Variants in MTHFSD observed in about 807,000 individuals in gnomAD.
The protein encoded by MTHFSD is methenyltetrahydrofolate synthetase domain containing, also known as methenyltetrahydrofolate synthase domain-containing protein.
MTHFSD carries 37 observed loss-of-function variants against 31.1 expected under a neutral mutation model. The ratio of observed to expected loss-of-function variants is 1.19; its 90% CI spans 0.91 to 1.56. MTHFSD has a LOEUF of 1.56. Ranked by LOEUF, MTHFSD falls within the 40% of genes most tolerant of loss-of-function variation. MTHFSD has a pLI of 0.00. For synonymous variants in MTHFSD, 221 were observed against 206.9 expected (o/e 1.07, Z -0.59); for missense variants, 664 against 510.1 (o/e 1.30, Z -2.91).
rs187973880 is a variant in MTHFSD at position 86,532,226 on chromosome 16, G to A, written c.937C>T (p.Leu313Phe). 3 of 1,572,034 alleles carry A rather than the reference G, an allele frequency of 1.9e-6. No homozygotes were observed. Among genetic ancestry groups the A allele is most frequent in the Middle Eastern group, 1.7e-4 (1 of 5,878 alleles). Residue 313 changes from leucine to phenylalanine, a missense_variant, in exon 8 of 8, where the codon CTC (leucine) becomes TTC (phenylalanine). Coordinates refer to ENST00000360900, the MANE Select transcript of MTHFSD (RefSeq NM_001159377.2). ...PLAADVYVGNLPGDARVSDLK... is the reference protein window; with the variant it reads ...PLAADVYVGNFPGDARVSDLK... ...TCACTCACACGGGCGTCCCCGGGGA[G>A]GTTCCCAACGTAAACATCGGCTGCA...
intron 5 of MTHFSD, 53 bp downstream of exon 5, chr16:86,546,506 G>A: frequency 6.6e-7 from 1 of 1,509,634 alleles, no homozygotes; most frequent in Non-Finnish European, 9.2e-7. Context: ...CTGGCACGCA[G>A]CCGCCTTCAG....
intron 7 of MTHFSD, among the ~76,000 whole-genome samples, chr16:86,539,680 T>A (rs9938731): frequency 0.013 from 1,987 of 152,292 alleles, 63 homozygotes; most frequent in African/African-American, 0.046. Context: ...GGAGATGCGC[T>A]GTTTACAGTA....
rs369606429 is a variant in MTHFSD, at chr16:86,542,090, A to G, written c.555+11T>C. On this transcript the variant is annotated intron_variant, in intron 6 of 7. Coordinates refer to ENST00000360900, the MANE Select transcript of MTHFSD (RefSeq NM_001159377.2). This position sits in a 1 kb window ranked among gnomAD's most constrained non-coding sequence, Gnocchi z 4.6. ...GGCAGTGGCTCTGCTCAGCCCATTC[A>G]TAAGGAGCACCTGGCAGTCGTGGAC... 6.2e-7 allele frequency: 1 copy of G among 1,611,290 alleles called. No individual in the cohort carries two copies. The highest frequency in any genetic ancestry group is 8.5e-7 in the Non-Finnish European group (1 of 1,178,302).
rs1347710169 is a variant in MTHFSD, at chr16:86,530,635, A to C, written c.*1376T>G. ...GGTAAACAAAAAAAAAAAAATAAGA[A>C]TCTTTCAGAAAAAGAAGTATTTTTT... On this transcript the variant is annotated 3_prime_UTR_variant, in exon 8 of 8. Coordinates refer to ENST00000360900, the MANE Select transcript of MTHFSD (RefSeq NM_001159377.2). 1 of 152,190 alleles carries C rather than the reference A, an allele frequency of 6.6e-6. No homozygotes were observed. The highest frequency in any genetic ancestry group is 1.5e-5 in the Non-Finnish European group (1 of 68,036). 9.4% of individuals were successfully genotyped at this position (152,190 alleles called of 1,614,324 possible). A position where few individuals can be genotyped will look rare whatever the true frequency, so the allele number is the denominator to read the frequency against.
At chr16:86,540,902 A>G (rs923143693) in intron 7 of MTHFSD, 1 of 1,124,424 alleles carries the variant, frequency 8.9e-7, no homozygotes, top group East Asian at 6.4e-5. Context: ...ACCTGCAGGG[A>G]AAGTCCCGGC....
At chr16:86,540,313 C>A (rs990378494) in intron 7 of MTHFSD, among the ~76,000 whole-genome samples, 9 of 152,312 alleles carry the variant, frequency 5.9e-5, no homozygotes, top group Middle Eastern at 6.8e-3. Context: ...GCGAAGCCCC[C>A]GATGCCCTCC....
At chr16:86,546,524 T>G in intron 5 of MTHFSD, 35 bp downstream of exon 5, 1 of 1,581,716 alleles carries the variant, frequency 6.3e-7, no homozygotes, top group Non-Finnish European at 8.7e-7. Context: ...CAGGCAGAGC[T>G]GTCACACTCA....
chr16:86,548,690 T>G (rs1206266058), intron 3 of MTHFSD, 113 bp from the exon 4 acceptor site: 8 of 772,066 alleles, frequency 1.0e-5, no homozygotes, highest in Admixed American at 3.3e-5. Context: ...ATCCGCATGG[T>G]TTTTTTTGGT....
chr16:86,532,571 G>A (rs1396981771), intron 7 of MTHFSD, 90 bp from the exon 8 acceptor site: 9 of 1,078,600 alleles, frequency 8.3e-6, no homozygotes, highest in African/African-American at 8.1e-5. Flanking sequence ...TACTGGCTGT[G>A]CTGCACACGT....
rs116289804 is a variant in MTHFSD, at chr16:86,543,841, C to A, written c.443-1628G>T. On this transcript the variant is annotated intron_variant, in intron 5 of 7. Transcript: ENST00000360900. ...AGCTTCATCTGTATTTACAGCCGCTCCCCATCACTCTCATTACTGTCTGAG... is the reference window on the plus strand; with the variant it reads ...AGCTTCATCTGTATTTACAGCCGCTACCCATCACTCTCATTACTGTCTGAG... 9.7e-3 allele frequency among the ~76,000 whole-genome samples: 1,481 copies of A among 152,330 alleles called. 23 individuals carry two copies. Among genetic ancestry groups the A allele is most frequent in the African/African-American group, 0.034 (1,407 of 41,572 alleles).
At chr16:86,551,658 G>A (rs1284056188) in intron 3 of MTHFSD, among the ~76,000 whole-genome samples, 4 of 152,204 alleles carry the variant, frequency 2.6e-5, no homozygotes, top group Non-Finnish European at 4.4e-5. Context: ...TGTTCAGCAA[G>A]CTTGTTAGCA....
Position 86,542,047 on chromosome 16 carries a change from G to T in MTHFSD, c.555+54C>A. 1 of 1,524,108 alleles carries T rather than the reference G, an allele frequency of 6.6e-7. No individual in the cohort carries two copies. Among genetic ancestry groups the T allele is most frequent in the Non-Finnish European group, 9.1e-7 (1 of 1,104,836 alleles). 94.4% of individuals were successfully genotyped at this position (1,524,108 alleles called of 1,614,324 possible). A position where few individuals can be genotyped will look rare whatever the true frequency, so the allele number is the denominator to read the frequency against. On this transcript the variant is annotated intron_variant, in intron 6 of 7. Coordinates refer to ENST00000360900, the MANE Select transcript of MTHFSD (RefSeq NM_001159377.2). The surrounding 1 kb of genome is among the most constrained non-coding windows in gnomAD (Gnocchi z 4.6). ...AGATGAGTCTCCTTCCCCACCCCCT[G>T]CTCCCTCAGAAGAGAATGGCAGTGG...
At chr16:86,550,629 C>G (rs1973003229) in intron 3 of MTHFSD, among the ~76,000 whole-genome samples, 1 of 152,232 alleles carries the variant, frequency 6.6e-6, no homozygotes, top group South Asian at 2.1e-4. Context: ...AGTAGAGAAC[C>G]AAACCACATA....
chr16:86,530,817 G>T lies in MTHFSD; in HGVS notation c.*1194C>A, dbSNP rs956456718. ...AGGCCAAGGACACAGAGGGCCGAGG[G>T]CCCAGGGCCAGGTGTGGCGCTTCCA... On this transcript the variant is annotated 3_prime_UTR_variant, in exon 8 of 8. Transcript: ENST00000360900. 4 of 152,200 alleles carry T rather than the reference G, an allele frequency of 2.6e-5. No individual in the cohort carries two copies. Among genetic ancestry groups the T allele is most frequent in the African/African-American group, 9.7e-5 (4 of 41,444 alleles). The allele number at this position is 152,200 out of a possible 1,614,324, so 9.4% of individuals were successfully genotyped here.
chr16:86,545,624 T>G lies in MTHFSD; in HGVS notation c.442+935A>C, dbSNP rs1325507588. ...CAGGAGCCAGCCCTGAGGCCGCTAC[T>G]GAGGAGATGCCCCCTCCAGGCTGGC... On this transcript the variant is annotated intron_variant, in intron 5 of 7. Coordinates refer to ENST00000360900, the MANE Select transcript of MTHFSD (RefSeq NM_001159377.2). Among the ~76,000 whole-genome samples, 3 of 152,142 alleles carry G rather than the reference T, an allele frequency of 2.0e-5. No individual in the cohort carries two copies. The East Asian group carries it at 5.8e-4, about 29-fold the overall frequency.
intron 7 of MTHFSD, among the ~76,000 whole-genome samples, chr16:86,540,058 A>T (rs984767998): frequency 6.6e-6 from 1 of 152,036 alleles, no homozygotes; most frequent in African/African-American, 2.4e-5. Flanking sequence ...AATGGAATTT[A>T]GAGATTTTTT....
At chr16:86,552,575 A>C (rs1484387744) in intron 2 of MTHFSD, among the ~76,000 whole-genome samples, 1 of 152,166 alleles carries the variant, frequency 6.6e-6, no homozygotes, top group Non-Finnish European at 1.5e-5. Flanking sequence ...CCACCACCAA[A>C]ATCAAGCAGT....
intron 1 of MTHFSD, 132 bp downstream of exon 1, chr16:86,555,037 C>G (rs1334721386): frequency 2.0e-6 from 3 of 1,464,288 alleles, no homozygotes; most frequent in Non-Finnish European, 2.7e-6. Flanking sequence ...CAGACCCCCT[C>G]TGACCTCCTC....
Position 86,542,260 on chromosome 16 carries a change from G to T in MTHFSD, c.443-47C>A. The T allele has an allele frequency of 6.7e-7, 1 of 1,485,984 alleles. No homozygotes were observed. The allele number at this position is 1,485,984 out of a possible 1,614,324, so 92.0% of individuals were successfully genotyped here. On this transcript the variant is annotated intron_variant, in intron 5 of 7. Coordinates refer to ENST00000360900, the MANE Select transcript of MTHFSD (RefSeq NM_001159377.2). The surrounding 1 kb of genome is among the most constrained non-coding windows in gnomAD (Gnocchi z 4.6). Reference sequence around the variant, plus strand: ...GTATCGCTGTGCGGTCCGGGGCATCGCTGAGAAGTGGATTTTCCATCAGGT... The same window carrying T: ...GTATCGCTGTGCGGTCCGGGGCATCTCTGAGAAGTGGATTTTCCATCAGGT...
Sources: gnomAD v4.1 joint callset for allele counts (sites outside exome capture counted in the v4.1 genomes callset) on GRCh38, gnomAD v4.1.1 for gene constraint, Gnocchi (gnomAD v3.1) non-coding constraint, MANE v1.5 for transcripts, NCBI Gene and HGNC (gene_info 2026-07-23, HGNC 2026-07-21) for gene names.